Variants in LONP2 observed in about 807,000 individuals in gnomAD.
LONP2 encodes the protein lon peptidase 2, peroxisomal, also known as lon protease homolog 2, peroxisomal.
LONP2 carries 60 observed loss-of-function variants against 85.6 expected under a neutral mutation model. That is an observed-to-expected ratio of 0.70 (90% CI 0.57 to 0.87). The LOEUF (loss-of-function observed/expected upper bound fraction) is 0.87. Among genes scored for constraint, LONP2 ranks in the 40% least tolerant of loss-of-function variants. The pLI is 0.00. For synonymous variants in LONP2, 395 were observed against 389.7 expected (o/e 1.01, Z -0.16); for missense variants, 860 against 1,063.5 (o/e 0.81, Z 2.66).
intron 8 of LONP2, among the ~76,000 whole-genome samples, chr16:48,281,566 T>A (rs535112729): frequency 2.6e-4 from 40 of 152,324 alleles, no homozygotes; most frequent in South Asian, 8.3e-4. Context: ...ATATATGTTA[T>A]ATTTATAACT....
chr16:48,336,957 A>G (rs983111614), intron 12 of LONP2, among the ~76,000 whole-genome samples: 6 of 152,286 alleles, frequency 3.9e-5, no homozygotes, highest in Non-Finnish European at 8.8e-5. Flanking sequence ...TCTGATGACC[A>G]CCAGCCCCAA....
At chr16:48,300,683 G>A (rs956786076) in intron 10 of LONP2, among the ~76,000 whole-genome samples, 1 of 146,002 alleles carries the variant, frequency 6.8e-6, no homozygotes, top group Non-Finnish European at 1.5e-5. Flanking sequence ...ATACAAAGCA[G>A]TAAGACTAAG....
chr16:48,351,145 G>A (rs1217486541), intron 14 of LONP2, among the ~76,000 whole-genome samples: 1 of 152,142 alleles, frequency 6.6e-6, no homozygotes, highest in African/African-American at 2.4e-5. Flanking sequence ...CAGCATGGAG[G>A]TTCTGGCTTT....
Position 48,262,712 on chromosome 16 carries a change from T to C in LONP2, c.888-66T>C, listed in dbSNP as rs1971903367. 3.9e-6 allele frequency: 4 copies of C among 1,020,046 alleles called. No homozygotes were observed. The South Asian group carries it at 5.8e-5, about 15-fold the overall frequency. The allele number at this position is 1,020,046 out of a possible 1,614,324, so 63.2% of individuals were successfully genotyped here. ...TCTAACCAAGAAAGAGAGCTGTGTTTGATTTTTCTGTTATGGAATTTTTCT... is the reference window on the plus strand; with the variant it reads ...TCTAACCAAGAAAGAGAGCTGTGTTCGATTTTTCTGTTATGGAATTTTTCT... On this transcript the variant is annotated intron_variant, in intron 5 of 14. Transcript: ENST00000285737.
At chr16:48,342,433 A>G (rs1002047577) in intron 12 of LONP2, among the ~76,000 whole-genome samples, 3 of 152,196 alleles carry the variant, frequency 2.0e-5, no homozygotes, top group African/African-American at 7.2e-5. Flanking sequence ...TTACTTCTCC[A>G]TGTTGCTCCA....
At chr16:48,319,620 A>G (rs775675565) in intron 11 of LONP2, among the ~76,000 whole-genome samples, 3 of 152,138 alleles carry the variant, frequency 2.0e-5, no homozygotes, top group Non-Finnish European at 4.4e-5. Context: ...GTAAGAGGTA[A>G]TGTGTCTCTC....
At chr16:48,326,472 A>G (rs920895061) in intron 11 of LONP2, among the ~76,000 whole-genome samples, 15 of 152,154 alleles carry the variant, frequency 9.9e-5, no homozygotes, top group African/African-American at 3.6e-4. Context: ...TAGTACTATT[A>G]TGCTTCAGAT....
At chr16:48,359,843 A>G (rs1239048226), downstream of LONP2, among the ~76,000 whole-genome samples, 1 of 152,252 alleles carries the variant, frequency 6.6e-6, no homozygotes, top group Non-Finnish European at 1.5e-5. Context: ...ATTATCCAGA[A>G]TCAGTGGTGG....
At chr16:48,294,757 CA>C (rs1972632988) in intron 8 of LONP2, among the ~76,000 whole-genome samples, 1 of 152,014 alleles carries the variant, frequency 6.6e-6, no homozygotes. Context: ...CAAAACAAAA[CA>C]AAAAACTAAC....
intron 5 of LONP2, among the ~76,000 whole-genome samples, chr16:48,261,861 G>A (rs1431764749): frequency 6.6e-6 from 1 of 152,054 alleles, no homozygotes; most frequent in Admixed American, 6.6e-5. Context: ...CAAGGGCAAG[G>A]ACTGTCCATT....
intron 6 of LONP2, among the ~76,000 whole-genome samples, 198 bp from the exon 7 acceptor site, chr16:48,269,818 A>T (rs979946220): frequency 1.3e-5 from 2 of 152,202 alleles, no homozygotes; most frequent in Admixed American, 6.5e-5. Flanking sequence ...AGTGCCTACT[A>T]TCTCTGGGGA....
intron 11 of LONP2, 29 bp from the exon 12 acceptor site, chr16:48,334,187 A>T: frequency 6.2e-7 from 1 of 1,604,122 alleles, no homozygotes; most frequent in South Asian, 1.1e-5. Flanking sequence ...ATCTCTTAGA[A>T]CTTCTAAATA....
rs372154415 is a variant in LONP2, at chr16:48,308,488, G to A, written c.1795+5183G>A. ...CTAAAAATACAAAAATTAGCTGGGC[G>A]TGCTGGTGCATGCCTATAGTCCCAG... On this transcript the variant is annotated intron_variant, in intron 11 of 14. Transcript: ENST00000285737. Among the ~76,000 whole-genome samples the A allele has an allele frequency of 1.3e-4, 19 of 151,974 alleles. No individual in the cohort carries two copies. The East Asian group carries it at 1.7e-3, about 14-fold the overall frequency.
chr16:48,332,153 T>G (rs557051202), intron 11 of LONP2, among the ~76,000 whole-genome samples: 2 of 152,028 alleles, frequency 1.3e-5, no homozygotes, highest in Admixed American at 1.3e-4. Context: ...GGTTCATCCC[T>G]GTGAGGTCCA....
chr16:48,297,346 T>C (rs926018127), intron 9 of LONP2, among the ~76,000 whole-genome samples: 2 of 152,168 alleles, frequency 1.3e-5, no homozygotes, highest in African/African-American at 2.4e-5. Context: ...AGTCTCACTC[T>C]GTCACCCAGG....
intron 1 of LONP2, chr16:48,247,618 G>A (rs995859581): frequency 6.6e-6 from 1 of 152,204 alleles, no homozygotes; most frequent in African/African-American, 2.4e-5. Flanking sequence ...CTGGCATGCT[G>A]ACCCAGGGCA....
chr16:48,293,194 C>T (rs1365251319), intron 8 of LONP2, among the ~76,000 whole-genome samples: 4 of 152,108 alleles, frequency 2.6e-5, no homozygotes, highest in East Asian at 1.9e-4. Flanking sequence ...TTTGGGAGGC[C>T]GAGGTGGGCA....
chr16:48,255,692 G>A (rs1260776148), intron 2 of LONP2, among the ~76,000 whole-genome samples: 4 of 151,858 alleles, frequency 2.6e-5, no homozygotes, highest in African/African-American at 9.7e-5. Context: ...TGAATTATGG[G>A]GGCGGTTCCC....
intron 12 of LONP2, among the ~76,000 whole-genome samples, chr16:48,336,010 G>A (rs1315064738): frequency 9.2e-5 from 14 of 152,190 alleles, no homozygotes; most frequent in East Asian, 3.8e-4. Flanking sequence ...GAGTGAAGAC[G>A]CAAACAGGTT....
Sources: allele counts gnomAD v4.1 joint callset (sites outside exome capture counted in the v4.1 genomes callset), GRCh38; gene constraint gnomAD v4.1.1; transcripts MANE v1.5; gene names NCBI Gene and HGNC (gene_info 2026-07-23, HGNC 2026-07-21).